CDC25A: variants seen among roughly 807,000 people sequenced by gnomAD.
CDC25A encodes the protein cell division cycle 25A.
In CDC25A, 17 loss-of-function variants were observed where a neutral mutation model predicts 64.6. The ratio of observed to expected loss-of-function variants is 0.26; its 90% CI spans 0.18 to 0.39. The LOEUF (loss-of-function observed/expected upper bound fraction) is 0.39, where lower values mean the gene tolerates loss of function less well. Ranked by LOEUF, CDC25A falls within the 10% of genes least tolerant of loss-of-function variation. The pLI is 1.00. For missense variants in CDC25A, 473 were observed against 654.8 expected, an observed-to-expected ratio of 0.72 and a Z score of 3.03; for synonymous variants, 229 against 238.6, an observed-to-expected ratio of 0.96 and a Z score of 0.37.
rs1221628847 is a variant in CDC25A, at chr3:48,174,472, AACAG to A, written c.757-19_757-16del. On this transcript the variant is annotated splice_polypyrimidine_tract_variant and intron_variant, in intron 8 of 14. Coordinates refer to ENST00000302506, the MANE Select transcript of CDC25A (RefSeq NM_001789.3). ...CATCGGTTGTCCTTACAGGAAAAAA[AACAG>A]ACAGACCCATCTTTCATTAAAACCT... The A allele has an allele frequency of 1.9e-6, 3 of 1,600,090 alleles. No individual in the cohort carries two copies. Among genetic ancestry groups the A allele is most frequent in the Non-Finnish European group, 1.7e-6 (2 of 1,175,798 alleles).
At chr3:48,174,584 C>G in intron 8 of CDC25A, 127 bp from the exon 9 acceptor site, 2 of 859,328 alleles carry the variant, frequency 2.3e-6, no homozygotes, top group East Asian at 2.7e-5. Context: ...ACAGACACTG[C>G]CGATTCATCT....
At position 48,186,689 on chromosome 3, in the gene CDC25A, G is replaced by C. The variant is rs1353064955; in HGVS notation, c.247+14C>G. 6.5e-7 allele frequency: 1 copy of C among 1,540,946 alleles called. No individual in the cohort carries two copies. Among genetic ancestry groups the C allele is most frequent in the Non-Finnish European group, 8.9e-7 (1 of 1,118,788 alleles). On this transcript the variant is annotated intron_variant, in intron 2 of 14. Transcript: ENST00000302506. ...AATTCAGAGTATTGCTCCCCACACA[G>C]CAGACTTAAATACCTGAATCTGTTG...
chr3:48,168,948 G>C (rs11928171), intron 9 of CDC25A, among the ~76,000 whole-genome samples: 2 of 152,076 alleles, frequency 1.3e-5, no homozygotes, highest in African/African-American at 4.8e-5. Flanking sequence ...CACCGCGCCC[G>C]GCCTACGTCT....
rs1459019467 is a variant in CDC25A at position 48,187,986 on chromosome 3, C to T, written c.-39G>A. On this transcript the variant is annotated 5_prime_UTR_variant, in exon 1 of 15. Coordinates refer to ENST00000302506, the MANE Select transcript of CDC25A (RefSeq NM_001789.3). Reference sequence around the variant, plus strand: ...CTCGCAGAGCTCCCGCTCCCTCTTCCTCTGCCTCCGCCGCGACCGCCCCGC... The same window carrying T: ...CTCGCAGAGCTCCCGCTCCCTCTTCTTCTGCCTCCGCCGCGACCGCCCCGC... The T allele has an allele frequency of 7.3e-7, 1 of 1,365,356 alleles. No homozygotes were observed. The highest frequency in any genetic ancestry group is 1.5e-5 in the African/African-American group (1 of 65,392). 84.6% of individuals were successfully genotyped at this position (1,365,356 alleles called of 1,614,324 possible).
intron 5 of CDC25A, chr3:48,181,551 T>C (rs1168604549): frequency 2.6e-6 from 4 of 1,554,556 alleles, no homozygotes; most frequent in South Asian, 1.1e-5. Flanking sequence ...GCAGCTATCA[T>C]GGTGAACTTA....
intron 3 of CDC25A, among the ~76,000 whole-genome samples, chr3:48,184,404 G>A (rs769463518): frequency 5.3e-5 from 8 of 152,100 alleles, no homozygotes; most frequent in Non-Finnish European, 1.0e-4. Context: ...GTAAGGCTAT[G>A]ATGTCAGAGC....
In CDC25A at chr3:48,180,724, C is replaced by G. The variant is rs1250215759; in HGVS notation, c.546G>C (p.Arg182=). 6.2e-7 allele frequency: 1 copy of G among 1,614,048 alleles called. No homozygotes were observed. The highest frequency in any genetic ancestry group is 1.7e-5 in the Admixed American group (1 of 60,016). ...FTQRQNSAPA[R]MLSSNERDSS... is the part of the protein sequence containing the mutation. ...CTATGAAAGCCAGAGCACATACCAT[C>G]CGAGCTGGGGCAGAGTTCTGCCTCT... The change falls in exon 6 of 15, where the codon CGG becomes CGC. Residue 182 remains arginine, a synonymous_variant. Coordinates refer to ENST00000302506, the MANE Select transcript of CDC25A (RefSeq NM_001789.3).
chr3:48,182,378 T>A (rs779639719), intron 5 of CDC25A, among the ~76,000 whole-genome samples: 1 of 152,212 alleles, frequency 6.6e-6, no homozygotes, highest in South Asian at 2.1e-4. Context: ...CTCTGTGCAA[T>A]GTCTAAAAGA....
At chr3:48,185,445 C>T (rs1325327916) in intron 2 of CDC25A, among the ~76,000 whole-genome samples, 2 of 148,972 alleles carry the variant, frequency 1.3e-5, no homozygotes, top group African/African-American at 4.9e-5. Context: ...AAAAAAAGGC[C>T]AGGTGCAGTA....
At chr3:48,166,980 T>C (rs892213676) in intron 10 of CDC25A, among the ~76,000 whole-genome samples, 8 of 152,216 alleles carry the variant, frequency 5.3e-5, no homozygotes, top group Admixed American at 4.6e-4. Context: ...GTTCTCTTCA[T>C]TCTCCGTTCC....
At chr3:48,183,773 C>T (rs375496256) in intron 4 of CDC25A, 27 bp downstream of exon 4, 69 of 1,490,022 alleles carry the variant, frequency 4.6e-5, no homozygotes, top group Non-Finnish European at 6.3e-5. Flanking sequence ...CAGGTATTAG[C>T]TCAAAATAAA....
Position 48,180,430 on chromosome 3 carries a change from A to C in CDC25A, c.549+291T>G, listed in dbSNP as rs112972523. 398 of 276,350 alleles carry C rather than the reference A, an allele frequency of 1.4e-3. 3 individuals carry two copies. The highest frequency in any genetic ancestry group is 6.7e-3 in the African/African-American group (304 of 45,714). 17.1% of individuals were successfully genotyped at this position (276,350 alleles called of 1,614,324 possible). A position where few individuals can be genotyped will look rare whatever the true frequency, so the allele number is the denominator to read the frequency against. The stretch of plus-strand genomic sequence containing the variant: ...AAAAAAGAAAAAAATAGGAAGAGAT[A>C]TAATCCCACCATACATACATTTAGG... On this transcript the variant is annotated intron_variant, in intron 6 of 14. Transcript: ENST00000302506.
chr3:48,188,141 C>A lies in CDC25A; in HGVS notation c.-194G>T. 2.6e-6 allele frequency: 1 copy of A among 380,124 alleles called. No homozygotes were observed. Among genetic ancestry groups the A allele is most frequent in the Non-Finnish European group, 4.5e-6 (1 of 222,102 alleles). 23.5% of individuals were successfully genotyped at this position (380,124 alleles called of 1,614,324 possible). ...CGGGCGGGTGTGCGGACCCTCCAGG[C>A]GCCAGCCACCAGCCACAGGCACGGG... is the stretch of plus-strand genomic sequence containing the variant. On this transcript the variant is annotated 5_prime_UTR_variant, in exon 1 of 15. Transcript: ENST00000302506.
chr3:48,176,032 G>C (rs1343365833), intron 8 of CDC25A, among the ~76,000 whole-genome samples: 1 of 152,150 alleles, frequency 6.6e-6, no homozygotes, highest in Non-Finnish European at 1.5e-5. Context: ...GCCGGGAGTG[G>C]TGGCGTAAGC....
intron 6 of CDC25A, among the ~76,000 whole-genome samples, chr3:48,179,697 T>C (rs1391177312): frequency 6.6e-6 from 1 of 152,202 alleles, no homozygotes. Flanking sequence ...TTCCTACTTA[T>C]GTATATCCTT....
At chr3:48,187,666 G>C (rs2032892698) in intron 1 of CDC25A, 112 bp downstream of exon 1, 1 of 1,103,048 alleles carries the variant, frequency 9.1e-7, no homozygotes, top group Non-Finnish European at 1.2e-6. Flanking sequence ...CCCGAGCGGC[G>C]AACCCGGACG....
chr3:48,162,310 G>A (rs2031807297), intron 13 of CDC25A, among the ~76,000 whole-genome samples: 1 of 151,688 alleles, frequency 6.6e-6, no homozygotes, highest in Middle Eastern at 3.4e-3. Flanking sequence ...GAGAGAGACA[G>A]AATCTCACTC....
At chr3:48,177,328 C>T in intron 8 of CDC25A, 43 bp downstream of exon 8, 1 of 1,436,886 alleles carries the variant, frequency 7.0e-7, no homozygotes, top group Non-Finnish European at 9.8e-7. Context: ...GTCCAGTGCC[C>T]CAATCACGCA....
At chr3:48,160,469 G>A (rs1243820688) in intron 13 of CDC25A, among the ~76,000 whole-genome samples, 1 of 149,638 alleles carries the variant, frequency 6.7e-6, no homozygotes, top group Non-Finnish European at 1.5e-5. Context: ...GGAGTGCACT[G>A]GCGCGATCTC....
Sources: allele counts gnomAD v4.1 joint callset (sites outside exome capture counted in the v4.1 genomes callset), GRCh38; gene constraint gnomAD v4.1.1; transcripts MANE v1.5; gene names NCBI Gene and HGNC (gene_info 2026-07-23, HGNC 2026-07-21).